The following PIK3C2G variants were observed in gnomAD, a reference collection of about 807,000 sequenced individuals.
PIK3C2G encodes the protein phosphatidylinositol-4-phosphate 3-kinase catalytic subunit type 2 gamma, also known as phosphatidylinositol 3-kinase C2 domain-containing subunit gamma.
Under a neutral mutation model 181.1 loss-of-function variants are expected in PIK3C2G, and 168 were observed. The ratio of observed to expected loss-of-function variants is 0.93; its 90% CI spans 0.82 to 1.05. PIK3C2G has a LOEUF of 1.05. Ranked by LOEUF, PIK3C2G falls within the 50% of genes least tolerant of loss-of-function variation. The pLI is 0.00. For missense variants in PIK3C2G, 1,869 were observed against 1,732.8 expected (o/e 1.08, Z -1.40); for synonymous variants, 573 against 592.2 (o/e 0.97, Z 0.47).
At chr12:18,439,833 A>G (rs1489546423) in intron 18 of PIK3C2G, among the ~76,000 whole-genome samples, 1 of 152,120 alleles carries the variant, frequency 6.6e-6, no homozygotes, top group Non-Finnish European at 1.5e-5. Context: ...ATAAAGATCA[A>G]ATTTATTAAT....
chr12:18,354,009 A>C (rs1411606273), intron 11 of PIK3C2G, among the ~76,000 whole-genome samples: 1 of 152,154 alleles, frequency 6.6e-6, no homozygotes, highest in Non-Finnish European at 1.5e-5. Flanking sequence ...CATTTGGATA[A>C]AGTTTGGCAC....
intron 22 of PIK3C2G, among the ~76,000 whole-genome samples, chr12:18,502,002 G>A (rs983163230): frequency 6.6e-6 from 1 of 152,134 alleles, no homozygotes; most frequent in Non-Finnish European, 1.5e-5. Flanking sequence ...GGATTAAAAA[G>A]CATCACCTAC....
chr12:18,326,727 T>C (rs1288805535), intron 8 of PIK3C2G, among the ~76,000 whole-genome samples: 1 of 152,154 alleles, frequency 6.6e-6, no homozygotes, highest in Non-Finnish European at 1.5e-5. Flanking sequence ...CTAATCAGCC[T>C]TGTGAGAGTC....
intron 1 of PIK3C2G, among the ~76,000 whole-genome samples, chr12:18,272,971 G>T (rs1415446035): frequency 6.7e-6 from 1 of 148,734 alleles, no homozygotes; most frequent in East Asian, 2.0e-4. Flanking sequence ...AAGGAATGAA[G>T]TTATAAGAAA....
chr12:18,647,212 A>T (rs1169842628), intron 32 of PIK3C2G, among the ~76,000 whole-genome samples: 4 of 152,158 alleles, frequency 2.6e-5, no homozygotes, highest in Non-Finnish European at 1.5e-5. Flanking sequence ...ATTGTGCTGC[A>T]TTTAAGTAGC....
intron 31 of PIK3C2G, among the ~76,000 whole-genome samples, chr12:18,626,881 A>G (rs1245187554): frequency 6.6e-6 from 1 of 151,760 alleles, no homozygotes; most frequent in Non-Finnish European, 1.5e-5. Flanking sequence ...ATTTGATTGG[A>G]GATTTCTGTG....
chr12:18,474,164 A>G lies in PIK3C2G; in HGVS notation c.2505-14285A>G, dbSNP rs1339590784. Among the ~76,000 whole-genome samples, 3 of 152,190 alleles carry G rather than the reference A, an allele frequency of 2.0e-5. 1 individual carries two copies. Among genetic ancestry groups the G allele is most frequent in the Admixed American group, 2.0e-4 (3 of 15,264 alleles). On this transcript the variant is annotated intron_variant, in intron 18 of 32. Coordinates refer to ENST00000538779, the MANE Select transcript of PIK3C2G (RefSeq NM_001288772.2). ...CTGTTCTAAATTATATCATTTAATTATCACAGCAACCTTGTCAATTGAGTA... is the reference window on the plus strand; with the variant it reads ...CTGTTCTAAATTATATCATTTAATTGTCACAGCAACCTTGTCAATTGAGTA...
chr12:18,485,725 G>A (rs1939960551), intron 18 of PIK3C2G, among the ~76,000 whole-genome samples: 1 of 152,156 alleles, frequency 6.6e-6, no homozygotes, highest in Non-Finnish European at 1.5e-5. Flanking sequence ...TAAAAGCCCA[G>A]TCTTTTAATA....
chr12:18,506,670 T>G (rs528437950), intron 24 of PIK3C2G, among the ~76,000 whole-genome samples: 1 of 152,168 alleles, frequency 6.6e-6, no homozygotes, highest in Non-Finnish European at 1.5e-5. Context: ...TAAGGAATAC[T>G]GATAGATGAA....
chr12:18,592,610 C>A (rs1947143065), intron 29 of PIK3C2G, among the ~76,000 whole-genome samples: 1 of 151,816 alleles, frequency 6.6e-6, no homozygotes, highest in South Asian at 2.1e-4. Flanking sequence ...GACAATTCTT[C>A]CCATAGGTTT....
At chr12:18,693,813 G>T in the PIK3C2G span, 1 of 1,521,614 alleles carries the variant, frequency 6.6e-7, no homozygotes, top group Admixed American at 1.7e-5. Context: ...AGACCAGGCC[G>T]CATTGGCAGG....
intron 18 of PIK3C2G, among the ~76,000 whole-genome samples, chr12:18,478,986 A>T (rs75079486): frequency 0.058 from 8,501 of 146,562 alleles, 263 homozygotes; most frequent in African/African-American, 0.094. Flanking sequence ...AAAAAAAAAA[A>T]ATATATATAT....
rs995904073 is a variant in PIK3C2G at position 18,615,580 on chromosome 12, G to A, written c.4182+5951G>A. On this transcript the variant is annotated intron_variant, in intron 31 of 32. Coordinates refer to ENST00000538779, the MANE Select transcript of PIK3C2G (RefSeq NM_001288772.2). ...CATATAATGACTTCTTTTCCTCTGGGTAGGTGCCCAGTAGTGAGATTGCTG... is the reference window on the plus strand; with the variant it reads ...CATATAATGACTTCTTTTCCTCTGGATAGGTGCCCAGTAGTGAGATTGCTG... Among the ~76,000 whole-genome samples, 10 of 151,934 alleles carry A rather than the reference G, an allele frequency of 6.6e-5. No individual in the cohort carries two copies. In the South Asian group the frequency reaches 1.9e-3, roughly 28 times the overall value.
intron 5 of PIK3C2G, among the ~76,000 whole-genome samples, chr12:18,300,299 G>A (rs904582199): frequency 1.3e-5 from 2 of 151,886 alleles, no homozygotes; most frequent in African/African-American, 4.8e-5. Context: ...ATATAAATAT[G>A]TATGTACTAT....
chr12:18,305,804 A>T (rs73064516), intron 5 of PIK3C2G, among the ~76,000 whole-genome samples: 9,060 of 152,128 alleles, frequency 0.06, 406 homozygotes, highest in Non-Finnish European at 0.093. Context: ...AAGTCTGCAT[A>T]TTTGATCTCC....
At chr12:18,549,571 A>T (rs1944617534) in intron 26 of PIK3C2G, among the ~76,000 whole-genome samples, 1 of 151,992 alleles carries the variant, frequency 6.6e-6, no homozygotes, top group Admixed American at 6.6e-5. Flanking sequence ...TCTATGCTCA[A>T]AATCACCTCT....
At chr12:18,461,334 A>C (rs1947909700) in intron 18 of PIK3C2G, among the ~76,000 whole-genome samples, 1 of 152,194 alleles carries the variant, frequency 6.6e-6, no homozygotes, top group Non-Finnish European at 1.5e-5. Flanking sequence ...ACATTCAAAC[A>C]AAAGTTGGAC....
intron 8 of PIK3C2G, among the ~76,000 whole-genome samples, chr12:18,329,849 T>C (rs1272180809): frequency 6.6e-6 from 1 of 152,134 alleles, no homozygotes; most frequent in Non-Finnish European, 1.5e-5. Context: ...GTCCAAATTA[T>C]AAGTGTTTGC....
chr12:18,677,478 C>A, the PIK3C2G span, among the ~76,000 whole-genome samples: 1 of 152,030 alleles, frequency 6.6e-6, no homozygotes, highest in Non-Finnish European at 1.5e-5. Context: ...CTTGGCCAGA[C>A]CTTCTGAGTT....
Sources: gnomAD v4.1 joint callset for allele counts (sites outside exome capture counted in the v4.1 genomes callset) on GRCh38, gnomAD v4.1.1 for gene constraint, MANE v1.5 for transcripts, NCBI Gene and HGNC (gene_info 2026-07-23, HGNC 2026-07-21) for gene names.